The following PCDHA12 variants were observed in gnomAD, a reference collection of about 807,000 sequenced individuals.
The protein encoded by PCDHA12 is protocadherin alpha-12.
A neutral mutation model predicts 60.0 loss-of-function variants in PCDHA12; 44 were observed. That is an observed-to-expected ratio of 0.73 (90% CI 0.58 to 0.94). PCDHA12 has a LOEUF of 0.94. Ranked by LOEUF, PCDHA12 falls within the 40% of genes least tolerant of loss-of-function variation. PCDHA12 has a pLI of 0.00. For missense variants in PCDHA12, 1,276 were observed against 1,239.7 expected, an observed-to-expected ratio of 1.03 and a Z score of -0.44; for synonymous variants, 569 against 553.0, an observed-to-expected ratio of 1.03 and a Z score of -0.40.
At position 140,884,772 on chromosome 5, in the gene PCDHA12, T is replaced by G. The variant is rs563372954; in HGVS notation, c.2367+6933T>G. 1.9e-5 allele frequency: 27 copies of G among 1,409,818 alleles called. No homozygotes were observed. In the African/African-American group the frequency reaches 3.6e-4, roughly 19 times the overall value. The allele number at this position is 1,409,818 out of a possible 1,614,324, so 87.3% of individuals were successfully genotyped here. On this transcript the variant is annotated intron_variant, in intron 1 of 3. Transcript: ENST00000398631. Reference sequence around the variant, plus strand: ...TTCAAATTATTCTTTACTTTAATTTTAATTTTGCTAGTTGTTATCGAATTT... The same window carrying G: ...TTCAAATTATTCTTTACTTTAATTTGAATTTTGCTAGTTGTTATCGAATTT...
chr5:140,896,564 A>G (rs1475217228), intron 1 of PCDHA12, among the ~76,000 whole-genome samples: 1 of 150,096 alleles, frequency 6.7e-6, no homozygotes, highest in African/African-American at 2.5e-5. Flanking sequence ...TTAAGTAGAG[A>G]TGGGGTTTTG....
chr5:140,996,412 A>G (rs563756317), intron 3 of PCDHA12, among the ~76,000 whole-genome samples: 1 of 152,332 alleles, frequency 6.6e-6, no homozygotes, highest in Admixed American at 6.5e-5. Context: ...TGGGGCAGGC[A>G]GTGTGAAAAC....
chr5:140,933,314 G>A (rs925777839), intron 1 of PCDHA12, among the ~76,000 whole-genome samples: 2 of 151,914 alleles, frequency 1.3e-5, no homozygotes, highest in Non-Finnish European at 2.9e-5. Flanking sequence ...ATGCAATCTC[G>A]TATTCTCCTG....
rs2098418726 is a variant in PCDHA12 at position 141,010,899 on chromosome 5, C to T, written c.*962C>T. 2 of 153,680 alleles carry T rather than the reference C, an allele frequency of 1.3e-5. No individual in the cohort carries two copies. Among genetic ancestry groups the T allele is most frequent in the Admixed American group, 6.6e-5 (1 of 15,264 alleles). The allele number at this position is 153,680 out of a possible 1,614,324, so 9.5% of individuals were successfully genotyped here. ...TTTAAAGAGAAATATGAATACAATT[C>T]CCCTAAACTCTCCTCAAAAGAGAAT... On this transcript the variant is annotated 3_prime_UTR_variant, in exon 4 of 4. Coordinates refer to ENST00000398631, the MANE Select transcript of PCDHA12 (RefSeq NM_018903.4).
At chr5:140,921,287 A>C (rs1563045357) in intron 1 of PCDHA12, among the ~76,000 whole-genome samples, 1 of 152,210 alleles carries the variant, frequency 6.6e-6, no homozygotes. Flanking sequence ...AAAAAACCTC[A>C]AATTTGCTGA....
intron 3 of PCDHA12, among the ~76,000 whole-genome samples, chr5:140,994,027 A>G (rs1237081548): frequency 2.6e-5 from 4 of 152,234 alleles, no homozygotes; most frequent in Non-Finnish European, 2.9e-5. Context: ...TGCAGATATA[A>G]TATTAAATAT....
chr5:140,883,508 G>A (rs939760233), intron 1 of PCDHA12: 1 of 1,614,202 alleles, frequency 6.2e-7, no homozygotes, highest in East Asian at 2.2e-5. Flanking sequence ...CAGCGCCCTG[G>A]ACCGCGAGAG....
At chr5:140,944,413 C>T (rs892243235) in intron 1 of PCDHA12, among the ~76,000 whole-genome samples, 3 of 152,292 alleles carry the variant, frequency 2.0e-5, no homozygotes, top group African/African-American at 7.2e-5. Context: ...TCTCGAACTC[C>T]TGATCTGAAG....
intron 1 of PCDHA12, among the ~76,000 whole-genome samples, chr5:140,909,245 G>T (rs189143592): frequency 2.6e-5 from 4 of 152,288 alleles, no homozygotes; most frequent in African/African-American, 7.2e-5. Flanking sequence ...AAGATATATT[G>T]CTGGCCTTGC....
intron 1 of PCDHA12, chr5:140,969,351 G>T: frequency 6.2e-7 from 1 of 1,612,990 alleles, no homozygotes; most frequent in Non-Finnish European, 8.5e-7. Flanking sequence ...TGGTCAGGGG[G>T]TCTTCTACAA....
intron 1 of PCDHA12, among the ~76,000 whole-genome samples, chr5:140,974,524 T>C (rs976398044): frequency 5.9e-5 from 9 of 152,210 alleles, no homozygotes; most frequent in African/African-American, 9.7e-5. Flanking sequence ...TATTTTAGTT[T>C]TTTTGAGACG....
chr5:141,004,403 C>T (rs1424370254), intron 3 of PCDHA12, among the ~76,000 whole-genome samples: 1 of 152,166 alleles, frequency 6.6e-6, no homozygotes, highest in Non-Finnish European at 1.5e-5. Flanking sequence ...GGAGGAGGCA[C>T]CTGACTAGAT....
Position 141,011,060 on chromosome 5 carries a change from A to G in PCDHA12, c.*1123A>G, listed in dbSNP as rs1588257572. On this transcript the variant is annotated 3_prime_UTR_variant, in exon 4 of 4. Coordinates refer to ENST00000398631, the MANE Select transcript of PCDHA12 (RefSeq NM_018903.4). ...AGGTCACTCTGGGGCTGCCTCTTGC[A>G]TGTATTACTAAATAAAATGATCTCT... is the stretch of plus-strand genomic sequence containing the variant. 1.3e-5 allele frequency: 2 copies of G among 153,758 alleles called. No individual in the cohort carries two copies. Among genetic ancestry groups the G allele is most frequent in the Non-Finnish European group, 2.9e-5 (2 of 68,046 alleles). The allele number at this position is 153,758 out of a possible 1,614,324, so 9.5% of individuals were successfully genotyped here. A position where few individuals can be genotyped will look rare whatever the true frequency, so the allele number is the denominator to read the frequency against.
intron 1 of PCDHA12, chr5:140,967,436 C>A (rs781894469): frequency 1.2e-6 from 2 of 1,613,378 alleles, no homozygotes; most frequent in Non-Finnish European, 8.5e-7. Flanking sequence ...AGCCTTGCAC[C>A]ACCTGGTTCT....
At chr5:140,891,888 T>C (rs1562860973) in intron 1 of PCDHA12, among the ~76,000 whole-genome samples, 1 of 152,212 alleles carries the variant, frequency 6.6e-6, no homozygotes, top group Non-Finnish European at 1.5e-5. Context: ...CATGTGACGA[T>C]GCAGCAAGAA....
At chr5:140,886,951 C>T (rs1277166050) in intron 1 of PCDHA12, among the ~76,000 whole-genome samples, 1 of 151,696 alleles carries the variant, frequency 6.6e-6, no homozygotes, top group Non-Finnish European at 1.5e-5. Flanking sequence ...ACACATTAGA[C>T]ATTTAGCAAC....
chr5:140,881,909 G>T (rs941994896), intron 1 of PCDHA12: 6 of 230,500 alleles, frequency 2.6e-5, no homozygotes, highest in Non-Finnish European at 5.1e-5. Context: ...AATATAAAAT[G>T]TTGAGCAGAA....
chr5:140,880,800 T>A (rs1453041032), intron 1 of PCDHA12, among the ~76,000 whole-genome samples: 1 of 152,130 alleles, frequency 6.6e-6, no homozygotes, highest in Admixed American at 6.6e-5. Context: ...TATAAATAGG[T>A]GAATGACTCT....
In PCDHA12 at chr5:140,876,853, A is replaced by G; in HGVS notation, c.1381A>G (p.Thr461Ala). Reference protein sequence around the residue: ...NAPAFAQPEYTVFVKENNPPG... With the variant: ...NAPAFAQPEYAVFVKENNPPG... Reference sequence around the variant, plus strand: ...GCCTGCGTTCGCGCAGCCCGAGTACACAGTGTTCGTGAAGGAGAACAACCC... The same window carrying G: ...GCCTGCGTTCGCGCAGCCCGAGTACGCAGTGTTCGTGAAGGAGAACAACCC... Residue 461 changes from threonine to alanine, a missense_variant, in exon 1 of 4, where the codon ACA (threonine) becomes GCA (alanine). Transcript: ENST00000398631. 1 of 1,614,094 alleles carries G rather than the reference A, an allele frequency of 6.2e-7. No individual in the cohort carries two copies.
Sources: gnomAD v4.1 joint callset for allele counts (sites outside exome capture counted in the v4.1 genomes callset) on GRCh38, gnomAD v4.1.1 for gene constraint, MANE v1.5 for transcripts, NCBI Gene and HGNC (gene_info 2026-07-23, HGNC 2026-07-21) for gene names.